DENND2C: variants seen among roughly 807,000 people sequenced by gnomAD.
DENND2C encodes the protein DENN domain containing 2C, also known as DENN domain-containing protein 2C.
Under a neutral mutation model 112.4 loss-of-function variants are expected in DENND2C, and 72 were observed. The ratio of observed to expected loss-of-function variants is 0.64; its 90% CI spans 0.53 to 0.78. DENND2C has a LOEUF of 0.78. Among genes scored for constraint, DENND2C ranks in the 30% least tolerant of loss-of-function variants. DENND2C has a pLI of 0.00. For missense variants in DENND2C, 992 were observed against 1,113.8 expected (o/e 0.89, Z 1.56); for synonymous variants, 329 against 381.6 (o/e 0.86, Z 1.61).
intron 1 of DENND2C, among the ~76,000 whole-genome samples, chr1:114,659,166 T>C (rs756431960): frequency 1.3e-5 from 2 of 152,160 alleles, no homozygotes; most frequent in Non-Finnish European, 2.9e-5. Context: ...TCTCTATATT[T>C]TATTTTGTTC....
intron 1 of DENND2C, among the ~76,000 whole-genome samples, chr1:114,654,995 T>C (rs1332084798): frequency 2.6e-5 from 4 of 152,204 alleles, no homozygotes; most frequent in Non-Finnish European, 5.9e-5. Context: ...CTATGGCTTA[T>C]TGACCAGGAC....
At chr1:114,631,991 C>T (rs1256810862) in intron 3 of DENND2C, among the ~76,000 whole-genome samples, 1 of 152,076 alleles carries the variant, frequency 6.6e-6, no homozygotes, top group African/African-American at 2.4e-5. Flanking sequence ...TAAAAATATA[C>T]TATCTGAAAT....
chr1:114,650,571 G>A (rs909574704), intron 2 of DENND2C, among the ~76,000 whole-genome samples: 7 of 150,988 alleles, frequency 4.6e-5, no homozygotes, highest in African/African-American at 1.7e-4. Flanking sequence ...CTACTCAGGA[G>A]GCTGAGGCAG....
Position 114,600,870 on chromosome 1 carries a change from G to T in DENND2C, c.1906C>A (p.Pro636Thr), listed in dbSNP as rs150875915. The T allele has an allele frequency of 6.2e-6, 10 of 1,613,966 alleles. No homozygotes were observed. Among genetic ancestry groups the T allele is most frequent in the Non-Finnish European group, 8.5e-6 (10 of 1,179,976 alleles). The change falls in exon 14 of 21, where the codon CCT (proline) becomes ACT (threonine). Residue 636 changes from proline to threonine, a missense_variant. Physicochemically the swap from Pro to Thr is conservative, Grantham distance 38. This residue lies in a region of DENND2C where 516 missense variants were observed against 623.6 expected (regional missense o/e 0.83). Coordinates refer to ENST00000393274, the MANE Select transcript of DENND2C (RefSeq NM_001256404.2). Reference protein sequence around the residue: ...RSVMEAPFPAPGRTITVKSYL... With the variant: ...RSVMEAPFPATGRTITVKSYL... ...CTCTTAACTGTGATGGTGCGTCCAG[G>T]AGCTGGGAAAGGAGCTTCCATGACA...
chr1:114,594,812 A>C (rs752511622), intron 17 of DENND2C, among the ~76,000 whole-genome samples: 3 of 152,178 alleles, frequency 2.0e-5, no homozygotes, highest in Non-Finnish European at 4.4e-5. Flanking sequence ...TTTCCACCAG[A>C]TCTCTCTCAT....
At position 114,625,542 on chromosome 1, in the gene DENND2C, A is replaced by G. The variant is rs1233757119; in HGVS notation, c.443T>C (p.Ile148Thr). 6.2e-7 allele frequency: 1 copy of G among 1,614,104 alleles called. No homozygotes were observed. The stretch of plus-strand genomic sequence containing the variant: ...AAGTGCTTCTATTTTCTTCCACAGT[A>G]TTTGTGAGGTATAGAAGTTTCCTGG... ...LPPGNFYTSQ[I>T]LWKKIEALPP... The change falls in exon 4 of 21, where the codon ATA becomes ACA. Residue 148 changes from isoleucine to threonine, a missense_variant. Coordinates refer to ENST00000393274, the MANE Select transcript of DENND2C (RefSeq NM_001256404.2).
At chr1:114,615,538 A>G (rs1655941396) in intron 8 of DENND2C, among the ~76,000 whole-genome samples, 2 of 152,252 alleles carry the variant, frequency 1.3e-5, no homozygotes, top group Non-Finnish European at 2.9e-5. Context: ...AGAAACTATT[A>G]CTTCATTCCA....
chr1:114,645,699 T>C (rs1486252861), intron 2 of DENND2C, 140 bp from the exon 3 acceptor site: 1 of 152,226 alleles, frequency 6.6e-6, no homozygotes, highest in East Asian at 1.9e-4. Flanking sequence ...GGATTTTTGT[T>C]GAAATTTGAC....
At chr1:114,661,383 G>A (rs1048804841) in intron 1 of DENND2C, among the ~76,000 whole-genome samples, 5 of 152,204 alleles carry the variant, frequency 3.3e-5, no homozygotes, top group African/African-American at 1.2e-4. Flanking sequence ...TTTTTCAAGA[G>A]ATATGTAGCC....
rs147929188 is a variant in DENND2C at position 114,621,686 on chromosome 1, T to C, written c.1227+209A>G. Among the ~76,000 whole-genome samples, 27 of 152,338 alleles carry C rather than the reference T, an allele frequency of 1.8e-4. No individual in the cohort carries two copies. The East Asian group carries it at 5.2e-3, about 29-fold the overall frequency. The stretch of plus-strand genomic sequence containing the variant: ...GAAGTGAAGTCCCCATCTAAATCAA[T>C]TTAAAAATCCACAACGAAACTCTGG... On this transcript the variant is annotated intron_variant, in intron 7 of 20. Coordinates refer to ENST00000393274, the MANE Select transcript of DENND2C (RefSeq NM_001256404.2).
At chr1:114,669,002 A>T (rs1657717897) in intron 1 of DENND2C, among the ~76,000 whole-genome samples, 1 of 152,188 alleles carries the variant, frequency 6.6e-6, no homozygotes, top group Non-Finnish European at 1.5e-5. Context: ...CTATTCTAGA[A>T]AATTTCATCA....
At chr1:114,655,878 G>GTATGTATATATA (rs1553238217) in intron 1 of DENND2C, among the ~76,000 whole-genome samples, 1 of 19,944 alleles carries the variant, frequency 5.0e-5, no homozygotes, top group Non-Finnish European at 9.2e-5. Flanking sequence ...ATATATATAT[G>GTATGTATATATA]TATAAATATA....
At chr1:114,603,435 AT>A (rs1052244617) in intron 11 of DENND2C, among the ~76,000 whole-genome samples, 287 of 144,298 alleles carry the variant, frequency 2.0e-3, no homozygotes, top group South Asian at 9.8e-3. Flanking sequence ...GCCAAGTCCA[AT>A]TTTTTTTTTT....
intron 2 of DENND2C, among the ~76,000 whole-genome samples, chr1:114,653,268 G>A (rs574508654): frequency 2.0e-5 from 3 of 151,802 alleles, no homozygotes; most frequent in African/African-American, 7.3e-5. Flanking sequence ...ACCACCACAC[G>A]GCTAATTCTG....
Position 114,625,614 on chromosome 1 carries a change from A to C in DENND2C, c.371T>G (p.Ile124Ser). The C allele has an allele frequency of 6.2e-7, 1 of 1,614,068 alleles. No individual in the cohort carries two copies. ...SNWVCSRVKE[I>S]ESCKEDVLDP... ...TAAGACATCTTCTTTACAGCTTTCA[A>C]TTTCTTTGACCCGAGAACATACCCA... Residue 124 changes from isoleucine (I) to serine (S), a missense_variant, in exon 4 of 21, where the codon ATT (isoleucine) becomes AGT (serine). Ile to Ser is a moderately radical substitution (Grantham distance 142). Coordinates refer to ENST00000393274, the MANE Select transcript of DENND2C (RefSeq NM_001256404.2).
intron 8 of DENND2C, among the ~76,000 whole-genome samples, chr1:114,614,226 T>C (rs1429208759): frequency 4.3e-5 from 6 of 141,062 alleles, no homozygotes; most frequent in Non-Finnish European, 7.5e-5. Flanking sequence ...AGTGAGACTC[T>C]GTCTTGAAAA....
At chr1:114,616,682 C>T (rs1003799455) in intron 8 of DENND2C, among the ~76,000 whole-genome samples, 14 of 152,016 alleles carry the variant, frequency 9.2e-5, no homozygotes, top group African/African-American at 2.9e-4. Flanking sequence ...GATGAAACCC[C>T]GTCTCTACTA....
chr1:114,656,822 G>T (rs968641448), intron 1 of DENND2C, among the ~76,000 whole-genome samples: 2 of 152,058 alleles, frequency 1.3e-5, no homozygotes, highest in South Asian at 4.2e-4. Context: ...TGCAGTCTTG[G>T]CTCACTGCAA....
chr1:114,659,083 C>T (rs1657411368), intron 1 of DENND2C, among the ~76,000 whole-genome samples: 1 of 152,118 alleles, frequency 6.6e-6, no homozygotes, highest in Non-Finnish European at 1.5e-5. Context: ...AAATATTTTT[C>T]TTTAATGTTT....
Sources: gnomAD v4.1 joint callset for allele counts (sites outside exome capture counted in the v4.1 genomes callset) on GRCh38, gnomAD v4.1.1 for gene constraint, gnomAD v4.1.1 regional missense constraint, MANE v1.5 for transcripts, NCBI Gene and HGNC (gene_info 2026-07-23, HGNC 2026-07-21) for gene names.